Variants in PCDHGA9 observed in about 807,000 individuals in gnomAD.
The protein encoded by PCDHGA9 is protocadherin gamma subfamily A, 9, also known as protocadherin gamma-A9.
A neutral mutation model predicts 62.5 loss-of-function variants in PCDHGA9; 37 were observed. The observed-to-expected ratio is 0.59, with a 90% CI of 0.46 to 0.78. The LOEUF (loss-of-function observed/expected upper bound fraction) is 0.78. Ranked by LOEUF, PCDHGA9 falls within the 30% of genes least tolerant of loss-of-function variation. The pLI, the probability that PCDHGA9 is intolerant of heterozygous loss-of-function variation, is 0.00. For synonymous variants in PCDHGA9, 459 were observed against 484.6 expected, an observed-to-expected ratio of 0.95 and a Z score of 0.69; for missense variants, 1,138 against 1,166.2, an observed-to-expected ratio of 0.98 and a Z score of 0.35.
At chr5:141,442,358 A>C (rs2098318223) in intron 1 of PCDHGA9, 1 of 152,304 alleles carries the variant, frequency 6.6e-6, no homozygotes, top group African/African-American at 2.4e-5. Context: ...CTGTAGCTCT[A>C]TGATGCCATA....
intron 1 of PCDHGA9, chr5:141,428,255 G>A (rs2097128504): frequency 1.1e-6 from 1 of 875,462 alleles, no homozygotes; most frequent in Non-Finnish European, 1.8e-6. Context: ...CCAGACTTCA[G>A]TGACAGTCCT....
intron 2 of PCDHGA9, among the ~76,000 whole-genome samples, chr5:141,495,452 C>G (rs543717781): frequency 1.3e-5 from 2 of 152,356 alleles, no homozygotes; most frequent in South Asian, 2.1e-4. Context: ...TTGTCCTGCT[C>G]TCTGTCTGTG....
At chr5:141,419,424 A>G (rs1197238939) in intron 1 of PCDHGA9, 1 of 1,613,230 alleles carries the variant, frequency 6.2e-7, no homozygotes, top group Admixed American at 1.7e-5. Flanking sequence ...GCCTTCGACC[A>G]CGAGCAGCTG....
chr5:141,485,229 T>G lies in PCDHGA9; in HGVS notation c.2425-9578T>G, dbSNP rs2099609870. ...ATCTGGCGGTGGGCTACCCTTTTGT[T>G]CCTCTTTTACCACCTGGGTTACGTT... is the stretch of plus-strand genomic sequence containing the variant. On this transcript the variant is annotated intron_variant, in intron 1 of 3. Coordinates refer to ENST00000573521, the MANE Select transcript of PCDHGA9 (RefSeq NM_018921.3). The surrounding 1 kb of genome is among the most constrained non-coding windows in gnomAD (Gnocchi z 5.7). 6.2e-7 allele frequency: 1 copy of G among 1,614,042 alleles called. No individual in the cohort carries two copies. The highest frequency in any genetic ancestry group is 8.5e-7 in the Non-Finnish European group (1 of 1,180,030).
In PCDHGA9 at chr5:141,403,903, G is replaced by T; in HGVS notation, c.951G>T (p.Met317Ile). Residue 317 changes from methionine (M) to isoleucine (I), a missense_variant, in exon 1 of 4, where the codon ATG becomes ATT. Met to Ile is a conservative substitution (Grantham distance 10, BLOSUM62 1). Transcript: ENST00000573521. ...LDYEECSFYEMEIQAEDGGGL... is the reference protein window; with the variant it reads ...LDYEECSFYEIEIQAEDGGGL... ...ATGAAGAATGTTCATTTTATGAAAT[G>T]GAAATACAAGCTGAAGATGGTGGGG... 2 of 1,613,804 alleles carry T rather than the reference G, an allele frequency of 1.2e-6. No individual in the cohort carries two copies. Among genetic ancestry groups the T allele is most frequent in the Non-Finnish European group, 1.7e-6 (2 of 1,179,868 alleles).
chr5:141,509,691 AC>A (rs1471858383), intron 3 of PCDHGA9, among the ~76,000 whole-genome samples: 5 of 152,064 alleles, frequency 3.3e-5, no homozygotes, highest in African/African-American at 1.2e-4. Flanking sequence ...GTACAGTGGG[AC>A]GTTGGACTGG....
At position 141,402,901 on chromosome 5, in the gene PCDHGA9, T is replaced by C; in HGVS notation, c.-52T>C. The stretch of plus-strand genomic sequence containing the variant: ...TTGCAGGGTGGAAGAAAGAACCTGA[T>C]GAAGCAGCGCGCACAGAGATCCTTT... On this transcript the variant is annotated 5_prime_UTR_variant, in exon 1 of 4. The change abolishes an upstream ATG in the 5' untranslated region. Transcript: ENST00000573521. The C allele has an allele frequency of 1.3e-6, 2 of 1,520,230 alleles. No homozygotes were observed. Among genetic ancestry groups the C allele is most frequent in the Non-Finnish European group, 1.8e-6 (2 of 1,135,318 alleles). The allele number at this position is 1,520,230 out of a possible 1,614,324, so 94.2% of individuals were successfully genotyped here. A position where few individuals can be genotyped will look rare whatever the true frequency, so the allele number is the denominator to read the frequency against.
intron 1 of PCDHGA9, among the ~76,000 whole-genome samples, chr5:141,461,980 C>G (rs759291534): frequency 9.2e-5 from 14 of 152,176 alleles, no homozygotes; most frequent in Non-Finnish European, 1.5e-4. Flanking sequence ...TATGCCACCA[C>G]GCCAGGCTAA....
chr5:141,484,653 C>G (rs2099598614), intron 1 of PCDHGA9, among the ~76,000 whole-genome samples: 1 of 152,036 alleles, frequency 6.6e-6, no homozygotes, highest in Non-Finnish European at 1.5e-5. Flanking sequence ...AATGGCTACT[C>G]TCCCTCTCAG....
intron 1 of PCDHGA9, chr5:141,427,833 G>T (rs1345567011): frequency 6.5e-7 from 1 of 1,540,964 alleles, no homozygotes; most frequent in Non-Finnish European, 8.9e-7. Flanking sequence ...CGCGCAGCGT[G>T]CCTTCGACCA....
rs767337670 is a variant in PCDHGA9 at position 141,433,083 on chromosome 5, A to G, written c.2424+27707A>G. 8.1e-6 allele frequency: 13 copies of G among 1,614,174 alleles called. 1 individual carries two copies. Among genetic ancestry groups the G allele is most frequent in the Non-Finnish European group, 9.3e-6 (11 of 1,180,024 alleles). ...CACCTGATCTTCCCCCAGCCCAACT[A>G]TGCAGACATGCTCGTCAGCCAGGAG... On this transcript the variant is annotated intron_variant, in intron 1 of 3. Coordinates refer to ENST00000573521, the MANE Select transcript of PCDHGA9 (RefSeq NM_018921.3).
chr5:141,428,949 G>T (rs2097173007), intron 1 of PCDHGA9: 1 of 152,034 alleles, frequency 6.6e-6, no homozygotes, highest in Admixed American at 6.6e-5. Flanking sequence ...CTGCCTTCCG[G>T]GTTCTGGCCA....
At chr5:141,433,204 C>A in intron 1 of PCDHGA9, 1 of 1,566,946 alleles carries the variant, frequency 6.4e-7, no homozygotes, top group Non-Finnish European at 8.6e-7. Flanking sequence ...ATCAAATCTT[C>A]TTTCTTTTTT....
chr5:141,429,387 TAA>T (rs11410533), intron 1 of PCDHGA9, among the ~76,000 whole-genome samples: 155 of 151,446 alleles, frequency 1.0e-3, no homozygotes, highest in African/African-American at 3.5e-3. Flanking sequence ...GTTTTTTTTT[TAA>T]AAAAAATTGA....
intron 1 of PCDHGA9, chr5:141,409,877 G>A: frequency 6.2e-7 from 1 of 1,612,860 alleles, no homozygotes; most frequent in Non-Finnish European, 8.5e-7. Context: ...CAATGACAAC[G>A]CACCGCGGGT....
intron 1 of PCDHGA9, chr5:141,430,796 C>T (rs1347347402): frequency 6.6e-6 from 10 of 1,522,232 alleles, no homozygotes; most frequent in Non-Finnish European, 8.8e-6. Flanking sequence ...CTACAAAGGG[C>T]TTGTCCTGCT....
chr5:141,426,790 A>T, intron 1 of PCDHGA9: 1 of 456,732 alleles, frequency 2.2e-6, no homozygotes, highest in Middle Eastern at 3.3e-4. Flanking sequence ...CTCCAGAGTT[A>T]CCAGCTCAGT....
chr5:141,486,371 G>T lies in PCDHGA9; in HGVS notation c.2425-8436G>T. 1.9e-6 allele frequency: 3 copies of T among 1,614,138 alleles called. No homozygotes were observed. The highest frequency in any genetic ancestry group is 2.5e-6 in the Non-Finnish European group (3 of 1,180,010). On this transcript the variant is annotated intron_variant, in intron 1 of 3. Coordinates refer to ENST00000573521, the MANE Select transcript of PCDHGA9 (RefSeq NM_018921.3). The surrounding 1 kb of genome is among the most constrained non-coding windows in gnomAD (Gnocchi z 5.0). ...CCACTTGCCATTTGCCCTCAAGTCT[G>T]CCTTCAGGAACCAGTTCTCCCTGGT...
Position 141,490,156 on chromosome 5 carries a change from G to T in PCDHGA9, c.2425-4651G>T. On this transcript the variant is annotated intron_variant, in intron 1 of 3. Coordinates refer to ENST00000573521, the MANE Select transcript of PCDHGA9 (RefSeq NM_018921.3). The surrounding 1 kb of genome is among the most constrained non-coding windows in gnomAD (Gnocchi z 5.4). ...TAGCAGTGGGGCAATCCATGTGTTG[G>T]GTCCCATAGACTTTGAGGAGTCACG... is the stretch of plus-strand genomic sequence containing the variant. 3.1e-6 allele frequency: 5 copies of T among 1,614,192 alleles called. No individual in the cohort carries two copies. Among genetic ancestry groups the T allele is most frequent in the Non-Finnish European group, 4.2e-6 (5 of 1,180,034 alleles).
Sources: gnomAD v4.1 joint callset for allele counts (sites outside exome capture counted in the v4.1 genomes callset) on GRCh38, gnomAD v4.1.1 for gene constraint, Gnocchi (gnomAD v3.1) non-coding constraint, MANE v1.5 for transcripts, NCBI Gene and HGNC (gene_info 2026-07-23, HGNC 2026-07-21) for gene names.